Variants in NUP210L observed in about 807,000 individuals in gnomAD.
The protein encoded by NUP210L is nucleoporin 210 like, also known as nuclear pore membrane glycoprotein 210-like.
NUP210L carries 74 observed loss-of-function variants against 208.5 expected under a neutral mutation model. That is an observed-to-expected ratio of 0.35 (90% CI 0.29 to 0.43). The LOEUF (loss-of-function observed/expected upper bound fraction) is 0.43. Among genes scored for constraint, NUP210L ranks in the 20% least tolerant of loss-of-function variants. The pLI is 1.00. For synonymous variants in NUP210L, 780 were observed against 816.9 expected, an observed-to-expected ratio of 0.95 and a Z score of 0.77; for missense variants, 1,843 against 2,289.4, an observed-to-expected ratio of 0.81 and a Z score of 3.98.
exon 34 of NUP210L, chr1:154,012,347 T>C (rs768747050): frequency 3.7e-6 from 6 of 1,613,572 alleles, no homozygotes; most frequent in Non-Finnish European, 5.1e-6. Context: ...TGAGCATTAA[T>C]CTTGATGATG....
intron 16 of NUP210L, among the ~76,000 whole-genome samples, chr1:154,083,097 T>C (rs762785395): frequency 2.6e-5 from 4 of 152,100 alleles, no homozygotes; most frequent in African/African-American, 7.2e-5. Flanking sequence ...AATGAACAAA[T>C]ATTCCGCAGC....
At position 154,097,715 on chromosome 1, in the gene NUP210L, G is replaced by A. The variant is rs143664918; in HGVS notation, c.1965+2283C>T. 2.6e-5 allele frequency among the ~76,000 whole-genome samples: 4 copies of A among 152,184 alleles called. No individual in the cohort carries two copies. The East Asian group carries it at 7.7e-4, about 29-fold the overall frequency. ...AGTGTTAACATTTTTCCCTGTGGGT[G>A]CTCCTTATTCCAAGAGGCATTGAGT... On this transcript the variant is annotated intron_variant, in intron 14 of 39. Transcript: ENST00000368559.
At chr1:154,055,229 C>A (rs1653801281) in intron 23 of NUP210L, among the ~76,000 whole-genome samples, 2 of 143,548 alleles carry the variant, frequency 1.4e-5, no homozygotes, top group Non-Finnish European at 3.0e-5. Flanking sequence ...CTCTTTCTTT[C>A]TTTCTTTCTT....
chr1:154,015,391 G>C (rs1651178519), intron 33 of NUP210L, among the ~76,000 whole-genome samples: 1 of 151,630 alleles, frequency 6.6e-6, no homozygotes, highest in African/African-American at 2.4e-5. Flanking sequence ...TTCGAGATCA[G>C]CCTGGGCAAC....
At chr1:154,049,830 G>A (rs890573205) in intron 25 of NUP210L, among the ~76,000 whole-genome samples, 2 of 152,074 alleles carry the variant, frequency 1.3e-5, no homozygotes, top group African/African-American at 4.8e-5. Flanking sequence ...CCTTAGCTTA[G>A]CAAGACTGTG....
rs778840431 is a variant in NUP210L, at chr1:154,154,857, C to T, written c.188G>A (p.Arg63Gln). Residue 63 changes from arginine (R) to glutamine (Q), a missense_variant, in exon 1 of 40, where the codon CGG becomes CAG. Arg to Gln is a conservative substitution (Grantham distance 43, BLOSUM62 1). Transcript: ENST00000368559. ...CACCCCTCACCAAGTGTAGCAGCCCCGCTGGGCCTCCAGCAGGAAAGGCAC... is the reference window on the plus strand; with the variant it reads ...CACCCCTCACCAAGTGTAGCAGCCCTGCTGGGCCTCCAGCAGGAAAGGCAC... The T allele has an allele frequency of 6.6e-5, 107 of 1,613,418 alleles. No homozygotes were observed. The Admixed American group carries it at 9.2e-4, about 14-fold the overall frequency.
chr1:154,106,716 C>T (rs537413784), intron 12 of NUP210L, among the ~76,000 whole-genome samples: 2 of 152,348 alleles, frequency 1.3e-5, no homozygotes, highest in East Asian at 3.9e-4. Context: ...AAGAGTCTGC[C>T]TGGTAATCCA....
chr1:154,142,340 C>T (rs766008328), intron 3 of NUP210L, among the ~76,000 whole-genome samples: 1 of 151,922 alleles, frequency 6.6e-6, no homozygotes, highest in Non-Finnish European at 1.5e-5. Flanking sequence ...AAGCATGAGC[C>T]ACCACGTCCC....
chr1:154,081,316 T>TA (rs1397271164), intron 16 of NUP210L, among the ~76,000 whole-genome samples: 1 of 152,050 alleles, frequency 6.6e-6, no homozygotes, highest in Non-Finnish European at 1.5e-5. Context: ...CAGACTTTAA[T>TA]ACAAAAATTG....
intron 23 of NUP210L, 128 bp downstream of exon 23, chr1:154,056,687 C>T: frequency 1.1e-6 from 1 of 914,242 alleles, no homozygotes; most frequent in Non-Finnish European, 1.6e-6. Context: ...TCCCAAAGTG[C>T]TCACATGGTG....
chr1:154,109,604 CAAGA>C (rs1314102498), intron 12 of NUP210L, among the ~76,000 whole-genome samples: 4 of 151,478 alleles, frequency 2.6e-5, no homozygotes, highest in Admixed American at 1.3e-4. Context: ...ATCTCCTCAG[CAAGA>C]ATGAGTATTC....
intron 25 of NUP210L, among the ~76,000 whole-genome samples, chr1:154,050,902 C>T (rs1653451926): frequency 6.6e-6 from 1 of 152,172 alleles, no homozygotes; most frequent in South Asian, 2.1e-4. Flanking sequence ...CCCTATACTT[C>T]AGCTCAAAAA....
At chr1:154,008,030 C>T (rs1650666707) in intron 35 of NUP210L, among the ~76,000 whole-genome samples, 1 of 151,806 alleles carries the variant, frequency 6.6e-6, no homozygotes, top group Non-Finnish European at 1.5e-5. Context: ...TGCCACCATG[C>T]CTGGCTAATT....
At chr1:154,114,004 G>A (rs1191744743) in intron 12 of NUP210L, among the ~76,000 whole-genome samples, 7 of 151,828 alleles carry the variant, frequency 4.6e-5, no homozygotes, top group Non-Finnish European at 8.8e-5. Flanking sequence ...TTAGCTGGGC[G>A]TGGTAGTGGG....
At chr1:154,143,544 A>G in exon 3 of NUP210L, 2 of 1,614,042 alleles carry the variant, frequency 1.2e-6, no homozygotes, top group South Asian at 1.1e-5. Flanking sequence ...TATCACATCA[A>G]CCTTAACATC....
intron 15 of NUP210L, among the ~76,000 whole-genome samples, chr1:154,090,244 A>G (rs1313276279): frequency 6.6e-6 from 1 of 152,086 alleles, no homozygotes; most frequent in Non-Finnish European, 1.5e-5. Context: ...ACTTTGACCA[A>G]TTATTTCAGT....
At chr1:154,122,343 C>T (rs1420429107) in intron 10 of NUP210L, among the ~76,000 whole-genome samples, 1 of 152,100 alleles carries the variant, frequency 6.6e-6, no homozygotes, top group Non-Finnish European at 1.5e-5. Flanking sequence ...ACTTATTACC[C>T]ATTAGGATGG....
At chr1:154,153,004 A>G (rs1659477906) in intron 1 of NUP210L, 132 bp from the exon 2 acceptor site, 1 of 731,268 alleles carries the variant, frequency 1.4e-6, no homozygotes, top group Admixed American at 2.7e-5. Flanking sequence ...TAAAGAAGGA[A>G]CATTGCTTAG....
intron 29 of NUP210L, 99 bp downstream of exon 29, chr1:154,027,407 A>G: frequency 1.2e-6 from 1 of 813,768 alleles, no homozygotes; most frequent in African/African-American, 1.7e-5. Context: ...TATTTGGGAA[A>G]AATCTCCTAG....
Sources: allele counts gnomAD v4.1 joint callset (sites outside exome capture counted in the v4.1 genomes callset), GRCh38; gene constraint gnomAD v4.1.1; transcripts MANE v1.5; gene names NCBI Gene and HGNC (gene_info 2026-07-23, HGNC 2026-07-21).